Variants in FBXO24 observed in about 807,000 individuals in gnomAD.
FBXO24 encodes F-box protein 24.
FBXO24 carries 30 observed loss-of-function variants against 63.5 expected under a neutral mutation model. The ratio of observed to expected loss-of-function variants is 0.47; its 90% CI spans 0.35 to 0.64. The LOEUF (loss-of-function observed/expected upper bound fraction) is 0.64, where lower values mean the gene tolerates loss of function less well. Among genes scored for constraint, FBXO24 ranks in the 30% least tolerant of loss-of-function variants. The pLI is 0.00. For synonymous variants in FBXO24, 300 were observed against 305.0 expected, an observed-to-expected ratio of 0.98 and a Z score of 0.17; for missense variants, 624 against 763.4, an observed-to-expected ratio of 0.82 and a Z score of 2.15.
At chr7:100,586,851 G>T in intron 1 of FBXO24, 187 bp downstream of exon 1, 1 of 689,548 alleles carries the variant, frequency 1.5e-6, no homozygotes, top group Non-Finnish European at 2.6e-6. Flanking sequence ...CAGCTGAAGG[G>T]GCAGCGGGGG....
chr7:100,598,388 G>A (rs1562821989), intron 8 of FBXO24, among the ~76,000 whole-genome samples: 3 of 152,114 alleles, frequency 2.0e-5, no homozygotes, highest in African/African-American at 4.8e-5. Context: ...GAATTAAAGC[G>A]CTAACAGGCT....
At chr7:100,586,862 GACCTCCGACTGTGAA>G in intron 1 of FBXO24, 198 bp downstream of exon 1, 1 of 435,820 alleles carries the variant, frequency 2.3e-6, no homozygotes, top group Non-Finnish European at 4.6e-6. Context: ...GCAGCGGGGG[GACCTCCGACTGTGAA>G]GCCTCTGGCA....
chr7:100,588,401 G>T (rs1801852047), intron 1 of FBXO24, among the ~76,000 whole-genome samples: 1 of 152,188 alleles, frequency 6.6e-6, no homozygotes, highest in African/African-American at 2.4e-5. Context: ...ACATCTCAGA[G>T]GTTGATATTC....
At chr7:100,591,144 C>A (rs904782595) in intron 3 of FBXO24, among the ~76,000 whole-genome samples, 2 of 142,590 alleles carry the variant, frequency 1.4e-5, no homozygotes, top group Admixed American at 1.5e-4. Flanking sequence ...TTCAAGTATT[C>A]TCGTGCCTCA....
In FBXO24 at chr7:100,589,828, T is replaced by G. The variant is rs184992115; in HGVS notation, c.40-149T>G. 119 of 1,507,136 alleles carry G rather than the reference T, an allele frequency of 7.9e-5. 1 individual carries two copies. In the African/African-American group the frequency reaches 1.4e-3, roughly 18 times the overall value. The allele number at this position is 1,507,136 out of a possible 1,614,324, so 93.4% of individuals were successfully genotyped here. A position where few individuals can be genotyped will look rare whatever the true frequency, so the allele number is the denominator to read the frequency against. On this transcript the variant is annotated intron_variant, in intron 1 of 9. Transcript: ENST00000241071. ...ATTGGCCGCAGGAGATCGGGAGGAG[T>G]TATTTGGAGAAGTTAGGGATGGGTC...
At chr7:100,588,088 A>C (rs1482930618) in intron 1 of FBXO24, among the ~76,000 whole-genome samples, 1 of 152,094 alleles carries the variant, frequency 6.6e-6, no homozygotes, top group Non-Finnish European at 1.5e-5. Flanking sequence ...TATGTTGCCC[A>C]GGCTGATCTC....
intron 1 of FBXO24, chr7:100,589,615 A>G: frequency 6.9e-7 from 1 of 1,455,248 alleles, no homozygotes; most frequent in South Asian, 1.4e-5. Flanking sequence ...GGGGCCTCAG[A>G]GGTCCCCCAA....
chr7:100,596,028 G>A (rs536374969), intron 8 of FBXO24, among the ~76,000 whole-genome samples: 7 of 152,118 alleles, frequency 4.6e-5, no homozygotes, highest in Non-Finnish European at 7.4e-5. Context: ...CTGTAATCCC[G>A]ACACTTTGGG....
rs1397347212 is a variant in FBXO24, at chr7:100,594,479, A to C, written c.890A>C (p.Tyr297Ser). 6.2e-7 allele frequency: 1 copy of C among 1,613,300 alleles called. No homozygotes were observed. The highest frequency in any genetic ancestry group is 1.7e-5 in the Admixed American group (1 of 59,972). ...VQLALRKVSH[Y>S]LPHLRVACMT... Reference sequence around the variant, plus strand: ...CTGGCCCTGAGGAAGGTGTCCCACTACCTGCCTCACCTGCGCGTGGCCTGC... The same window carrying C: ...CTGGCCCTGAGGAAGGTGTCCCACTCCCTGCCTCACCTGCGCGTGGCCTGC... Residue 297 changes from tyrosine (Y) to serine (S), a missense_variant, in exon 6 of 10, where the codon TAC becomes TCC. By Grantham distance (144) the Tyr-to-Ser change is moderately radical. Coordinates refer to ENST00000241071, the MANE Select transcript of FBXO24 (RefSeq NM_033506.3). This position sits in a 1 kb window ranked among gnomAD's most constrained non-coding sequence, Gnocchi z 4.2.
Position 100,592,521 on chromosome 7 carries a change from TGG to T in FBXO24, c.559-260_559-259del, listed in dbSNP as rs796254436. Among the ~76,000 whole-genome samples, 23 of 152,266 alleles carry T rather than the reference TGG, an allele frequency of 1.5e-4. 1 individual carries two copies. Among genetic ancestry groups the T allele is most frequent in the African/African-American group, 5.1e-4 (21 of 41,558 alleles). Reference sequence around the variant, plus strand: ...CCCCCGTGAGCCAATCACCTCCCACTGGGTATTACAATTCGAGATGAGATTTG... The same window carrying T: ...CCCCCGTGAGCCAATCACCTCCCACTGTATTACAATTCGAGATGAGATTTG... On this transcript the variant is annotated intron_variant, in intron 4 of 9. Transcript: ENST00000241071.
chr7:100,600,777 G>A lies in FBXO24; in HGVS notation c.1621G>A (p.Glu541Lys). 2 of 1,614,138 alleles carry A rather than the reference G, an allele frequency of 1.2e-6. No homozygotes were observed. Among genetic ancestry groups the A allele is most frequent in the Non-Finnish European group, 1.7e-6 (2 of 1,179,962 alleles). The change falls in exon 10 of 10, where the codon GAG becomes AAG. Residue 541 changes from glutamate to lysine, a missense_variant. By Grantham distance (56) the Glu-to-Lys change is moderately conservative (BLOSUM62 1). This residue lies in a region of FBXO24 where 216 missense variants were observed against 245.2 expected (regional missense o/e 0.88). Transcript: ENST00000241071. This position sits in a 1 kb window ranked among gnomAD's most constrained non-coding sequence, Gnocchi z 6.3. ...TLQDRTEKMK[E>K]IVGWMPLMAA... Reference sequence around the variant, plus strand: ...GCAGGACCGCACGGAGAAGATGAAGGAGATCGTAGGGTGGATGCCCCTGAT... The same window carrying A: ...GCAGGACCGCACGGAGAAGATGAAGAAGATCGTAGGGTGGATGCCCCTGAT...
rs1802582528 is a variant in FBXO24 at position 100,600,983 on chromosome 7, C to T, written c.*84C>T. On this transcript the variant is annotated 3_prime_UTR_variant, in exon 10 of 10. Transcript: ENST00000241071. This position sits in a 1 kb window ranked among gnomAD's most constrained non-coding sequence, Gnocchi z 6.3. ...AGGAGCAATGACCATTGTGCACATGCGTGTGGGAAGGGGTTGCTAGGGGGT... is the reference window on the plus strand; with the variant it reads ...AGGAGCAATGACCATTGTGCACATGTGTGTGGGAAGGGGTTGCTAGGGGGT... The T allele has an allele frequency of 2.3e-5, 35 of 1,518,736 alleles. No individual in the cohort carries two copies. Among genetic ancestry groups the T allele is most frequent in the Middle Eastern group, 2.3e-4 (1 of 4,308 alleles). The allele number at this position is 1,518,736 out of a possible 1,614,324, so 94.1% of individuals were successfully genotyped here.
chr7:100,592,073 C>T, intron 4 of FBXO24, 171 bp downstream of exon 4: 2 of 617,596 alleles, frequency 3.2e-6, no homozygotes, highest in South Asian at 3.9e-5. Context: ...CCAGCCTGGC[C>T]AAATGGCGAA....
chr7:100,588,655 C>T (rs541432168), intron 1 of FBXO24, among the ~76,000 whole-genome samples: 1 of 151,922 alleles, frequency 6.6e-6, no homozygotes, highest in African/African-American at 2.4e-5. Context: ...AACCCTGACC[C>T]CTGCTGTTTC....
Position 100,595,289 on chromosome 7 carries a change from A to G in FBXO24, c.1074+66A>G. 3.1e-6 allele frequency: 5 copies of G among 1,607,886 alleles called. No individual in the cohort carries two copies. In the Admixed American group the frequency reaches 6.7e-5, roughly 22 times the overall value. ...CTGTAGGGATTGGAAGGTCTGAAGT[A>G]TTATAGGAATCAGATTATTGATCCA... On this transcript the variant is annotated intron_variant, in intron 7 of 9. Transcript: ENST00000241071.
At position 100,595,248 on chromosome 7, in the gene FBXO24, A is replaced by G. The variant is rs758957917; in HGVS notation, c.1074+25A>G. On this transcript the variant is annotated intron_variant, in intron 7 of 9. Coordinates refer to ENST00000241071, the MANE Select transcript of FBXO24 (RefSeq NM_033506.3). ...GGTAGGCTCCTGGAGGGACGGGGCAAACCAGAGGGGTGGCGCTGTAGGGAT... is the reference window on the plus strand; with the variant it reads ...GGTAGGCTCCTGGAGGGACGGGGCAGACCAGAGGGGTGGCGCTGTAGGGAT... The G allele has an allele frequency of 4.3e-6, 7 of 1,613,898 alleles. No homozygotes were observed. In the African/African-American group the frequency reaches 8.0e-5, roughly 18 times the overall value.
rs771765491 is a variant in FBXO24, at chr7:100,600,772, T to C, written c.1616T>C (p.Met539Thr). The C allele has an allele frequency of 1.2e-6, 2 of 1,614,042 alleles. No individual in the cohort carries two copies. Among genetic ancestry groups the C allele is most frequent in the Non-Finnish European group, 1.7e-6 (2 of 1,179,948 alleles). Residue 539 changes from methionine (M) to threonine (T), a missense_variant, in exon 10 of 10, where the codon ATG (methionine) becomes ACG (threonine). Transcript: ENST00000241071. This position sits in a 1 kb window ranked among gnomAD's most constrained non-coding sequence, Gnocchi z 6.3. The stretch of plus-strand genomic sequence containing the variant: ...ACGTTGCAGGACCGCACGGAGAAGA[T>C]GAAGGAGATCGTAGGGTGGATGCCC... Reference protein sequence around the residue: ...CQTLQDRTEKMKEIVGWMPLM... With the variant: ...CQTLQDRTEKTKEIVGWMPLM...
At position 100,600,296 on chromosome 7, in the gene FBXO24, A is replaced by C. The variant is rs1584436746; in HGVS notation, c.1377+95A>C. 7.1e-7 allele frequency: 1 copy of C among 1,399,694 alleles called. No individual in the cohort carries two copies. Among genetic ancestry groups the C allele is most frequent in the Non-Finnish European group, 9.5e-7 (1 of 1,052,900 alleles). 86.7% of individuals were successfully genotyped at this position (1,399,694 alleles called of 1,614,324 possible). A position where few individuals can be genotyped will look rare whatever the true frequency, so the allele number is the denominator to read the frequency against. The stretch of plus-strand genomic sequence containing the variant: ...GTAGCTGGGGCTCCTGCAGGGACCC[A>C]GGGGGTCCCATTTCCCTAGCACCAC... On this transcript the variant is annotated intron_variant, in intron 9 of 9. Coordinates refer to ENST00000241071, the MANE Select transcript of FBXO24 (RefSeq NM_033506.3). This position sits in a 1 kb window ranked among gnomAD's most constrained non-coding sequence, Gnocchi z 6.3.
chr7:100,589,316 T>G (rs963706297), intron 1 of FBXO24: 5 of 922,042 alleles, frequency 5.4e-6, no homozygotes, highest in Admixed American at 1.1e-4. Flanking sequence ...TGTGAGGAAT[T>G]CACTAGTGTT....
Sources: allele counts gnomAD v4.1 joint callset (sites outside exome capture counted in the v4.1 genomes callset), GRCh38; gene constraint gnomAD v4.1.1; regional missense constraint gnomAD v4.1.1; non-coding constraint Gnocchi (gnomAD v3.1); transcripts MANE v1.5; gene names NCBI Gene and HGNC (gene_info 2026-07-23, HGNC 2026-07-21).